The following RNF115 variants were observed in gnomAD, a reference collection of about 807,000 sequenced individuals.
The protein encoded by RNF115 is E3 ubiquitin-protein ligase RNF115.
Under a neutral mutation model 39.2 loss-of-function variants are expected in RNF115, and 31 were observed. The ratio of observed to expected loss-of-function variants is 0.79; its 90% CI spans 0.59 to 1.07. The LOEUF (loss-of-function observed/expected upper bound fraction) is 1.07, where lower values mean the gene tolerates loss of function less well. RNF115 is among the 50% of genes least tolerant of loss of function. The pLI is 0.00. For synonymous variants in RNF115, 124 were observed against 131.0 expected (o/e 0.95, Z 0.37); for missense variants, 384 against 381.7 (o/e 1.01, Z -0.05).
At chr1:145,777,240 A>C (rs1378300088) in intron 3 of RNF115, among the ~76,000 whole-genome samples, 3 of 152,200 alleles carry the variant, frequency 2.0e-5, no homozygotes, top group African/African-American at 7.2e-5. Flanking sequence ...AAAATGAAAT[A>C]TTTAAAATCT....
intron 4 of RNF115, among the ~76,000 whole-genome samples, chr1:145,756,964 T>TA (rs1406004105): frequency 2.0e-5 from 3 of 150,912 alleles, no homozygotes; most frequent in Admixed American, 6.6e-5. Context: ...GCCTCCTGAG[T>TA]AGCTGGGATT....
chr1:145,823,423 G>A (rs1317754345), intron 1 of RNF115, among the ~76,000 whole-genome samples: 3 of 146,144 alleles, frequency 2.1e-5, no homozygotes, highest in Non-Finnish European at 1.5e-5. Context: ...GAAGAAGTGT[G>A]GGGGGAGGTC....
intron 1 of RNF115, among the ~76,000 whole-genome samples, chr1:145,801,042 G>A (rs1355204971): frequency 6.6e-6 from 1 of 152,076 alleles, no homozygotes; most frequent in Non-Finnish European, 1.5e-5. Flanking sequence ...GTGGTGTTGG[G>A]AGCCTGTAGT....
intron 7 of RNF115, among the ~76,000 whole-genome samples, chr1:145,749,948 T>C (rs1409236137): frequency 6.6e-6 from 1 of 152,204 alleles, no homozygotes; most frequent in Non-Finnish European, 1.5e-5. Context: ...AAATAGTATC[T>C]ATGACTAAGA....
intron 1 of RNF115, among the ~76,000 whole-genome samples, chr1:145,794,087 G>A (rs1049406005): frequency 1.3e-5 from 2 of 151,984 alleles, no homozygotes; most frequent in Non-Finnish European, 2.9e-5. Context: ...CGAGTGATCC[G>A]CCTGCCTCAG....
chr1:145,766,837 G>A (rs1223642869), intron 4 of RNF115, among the ~76,000 whole-genome samples: 1 of 57,228 alleles, frequency 1.7e-5, no homozygotes, highest in African/African-American at 7.1e-5. Context: ...CCTCCCGGAC[G>A]GGGCGGCTGT....
At chr1:145,784,638 C>A (rs1553717905) in intron 2 of RNF115, 42 bp from the exon 3 acceptor site, 1 of 1,569,906 alleles carries the variant, frequency 6.4e-7, no homozygotes, top group Admixed American at 1.7e-5. Context: ...TTCCCAGGAA[C>A]AAGCTCCCCT....
At chr1:145,771,248 T>C (rs1426360032) in intron 4 of RNF115, among the ~76,000 whole-genome samples, 1 of 152,198 alleles carries the variant, frequency 6.6e-6, no homozygotes, top group Non-Finnish European at 1.5e-5. Context: ...GAGTTCCTAA[T>C]AAAAGGATGA....
At chr1:145,798,407 ACT>A (rs1649080848) in intron 1 of RNF115, among the ~76,000 whole-genome samples, 1 of 152,166 alleles carries the variant, frequency 6.6e-6, no homozygotes, top group Non-Finnish European at 1.5e-5. Flanking sequence ...TTTTCCCAAC[ACT>A]GTTTGCTGAA....
chr1:145,790,740 T>A (rs1648627084), intron 1 of RNF115, among the ~76,000 whole-genome samples: 1 of 152,120 alleles, frequency 6.6e-6, no homozygotes. Context: ...CCTATTTTTT[T>A]AATTAGAATG....
At chr1:145,756,457 C>CAA (rs58903363) in intron 4 of RNF115, among the ~76,000 whole-genome samples, 5 of 139,164 alleles carry the variant, frequency 3.6e-5, no homozygotes, top group East Asian at 2.1e-4. Flanking sequence ...GAGACTGTCT[C>CAA]AAAAAAAAAA....
chr1:145,769,170 A>T (rs149748081), intron 4 of RNF115, among the ~76,000 whole-genome samples: 151,502 of 152,332 alleles, frequency 0.99, 75,340 homozygotes, highest in East Asian at 1. Flanking sequence ...TACTTTGATT[A>T]TTGCACTATC....
chr1:145,779,476 A>G (rs1648026969), intron 3 of RNF115, among the ~76,000 whole-genome samples: 1 of 152,072 alleles, frequency 6.6e-6, no homozygotes, highest in South Asian at 2.1e-4. Flanking sequence ...ACGTCCAGCT[A>G]TAATTCTAAT....
rs1327264754 is a variant in RNF115 at position 145,742,743 on chromosome 1, G to T, written c.*4123C>A. 6.6e-6 allele frequency: 1 copy of T among 152,148 alleles called. No individual in the cohort carries two copies. Among genetic ancestry groups the T allele is most frequent in the Non-Finnish European group, 1.5e-5 (1 of 68,022 alleles). The allele number at this position is 152,148 out of a possible 1,614,324, so 9.4% of individuals were successfully genotyped here. ...AAAAATGTGCAATACAAAGACATAA[G>T]CAAGGAGTTTTTCCTAATAACTATT... On this transcript the variant is annotated 3_prime_UTR_variant, in exon 9 of 9. Transcript: ENST00000582693.
intron 1 of RNF115, among the ~76,000 whole-genome samples, chr1:145,793,747 A>C (rs1045527163): frequency 6.6e-6 from 1 of 152,058 alleles, no homozygotes; most frequent in African/African-American, 2.4e-5. Flanking sequence ...TCCAAACACA[A>C]ACACATTTCC....
intron 1 of RNF115, among the ~76,000 whole-genome samples, chr1:145,819,503 G>A (rs1386467308): frequency 6.6e-6 from 1 of 152,020 alleles, no homozygotes; most frequent in African/African-American, 2.4e-5. Context: ...CCCTGGACCA[G>A]ACGGACTCAC....
intron 1 of RNF115, among the ~76,000 whole-genome samples, chr1:145,819,547 T>C (rs1650143267): frequency 6.6e-6 from 1 of 152,146 alleles, no homozygotes; most frequent in Non-Finnish European, 1.5e-5. Flanking sequence ...GAAGAGCTTG[T>C]ACCAATCCTA....
rs201252190 is a variant in RNF115 at position 145,779,766 on chromosome 1, G to A, written c.219+4773C>T. On this transcript the variant is annotated intron_variant, in intron 3 of 8. Transcript: ENST00000582693. ...CAACCTCCGCCTCCTGGGTTCAAGC[G>A]ATTCTCCTGCCTCAGCCTCCCGAAT... Among the ~76,000 whole-genome samples, 46 of 151,990 alleles carry A rather than the reference G, an allele frequency of 3.0e-4. No homozygotes were observed. The East Asian group carries it at 8.3e-3, about 27-fold the overall frequency.
At chr1:145,800,588 A>G (rs12127602) in intron 1 of RNF115, among the ~76,000 whole-genome samples, 129,177 of 152,062 alleles carry the variant, frequency 0.85, 55,264 homozygotes, top group African/African-American at 0.95. Flanking sequence ...ATAAGTTTAG[A>G]CTACTCTGCT....
Sources: gnomAD v4.1 joint callset for allele counts (sites outside exome capture counted in the v4.1 genomes callset) on GRCh38, gnomAD v4.1.1 for gene constraint, MANE v1.5 for transcripts, NCBI Gene and HGNC (gene_info 2026-07-23, HGNC 2026-07-21) for gene names.